STX18: variants seen among roughly 807,000 people sequenced by gnomAD.
The protein encoded by STX18 is syntaxin-18.
In STX18, 40 loss-of-function variants were observed where a neutral mutation model predicts 50.1. The ratio of observed to expected loss-of-function variants is 0.80; its 90% CI spans 0.62 to 1.04. STX18 has a LOEUF of 1.04. Ranked by LOEUF, STX18 falls within the 50% of genes least tolerant of loss-of-function variation. The pLI, the probability that STX18 is intolerant of heterozygous loss-of-function variation, is 0.00. For synonymous variants in STX18, 158 were observed against 151.8 expected, an observed-to-expected ratio of 1.04 and a Z score of -0.30; for missense variants, 410 against 415.8, an observed-to-expected ratio of 0.99 and a Z score of 0.12.
At chr4:4,538,452 C>T (rs1731441151) in intron 1 of STX18, among the ~76,000 whole-genome samples, 1 of 152,158 alleles carries the variant, frequency 6.6e-6, no homozygotes, top group Admixed American at 6.5e-5. Context: ...GATTTTCACT[C>T]ATTCCTCACG....
chr4:4,517,151 G>A (rs1327568727), intron 1 of STX18, among the ~76,000 whole-genome samples: 1 of 152,144 alleles, frequency 6.6e-6, no homozygotes, highest in Non-Finnish European at 1.5e-5. Context: ...AATTCCCAGG[G>A]CTGTTCTGAA....
chr4:4,452,327 A>G (rs191152026), intron 5 of STX18, among the ~76,000 whole-genome samples: 2 of 152,392 alleles, frequency 1.3e-5, no homozygotes, highest in Admixed American at 1.3e-4. Flanking sequence ...GATCTAACTC[A>G]GATAATTGAT....
At chr4:4,472,364 TG>T (rs530117779) in intron 1 of STX18, among the ~76,000 whole-genome samples, 252 of 152,288 alleles carry the variant, frequency 1.7e-3, no homozygotes, top group African/African-American at 5.8e-3. Context: ...TAAAAAGTGG[TG>T]GGAAGAACGC....
chr4:4,488,907 A>C (rs1290494454), intron 1 of STX18, among the ~76,000 whole-genome samples: 1 of 152,194 alleles, frequency 6.6e-6, no homozygotes, highest in Non-Finnish European at 1.5e-5. Flanking sequence ...AGCAAAGAGA[A>C]TAGCAAAAGC....
chr4:4,440,364 T>C (rs1348566812), intron 5 of STX18, among the ~76,000 whole-genome samples: 1 of 152,234 alleles, frequency 6.6e-6, no homozygotes, highest in Non-Finnish European at 1.5e-5. Flanking sequence ...ATTAACAACC[T>C]TTTAACAAAG....
At chr4:4,448,350 C>CT (rs71638561) in intron 5 of STX18, among the ~76,000 whole-genome samples, 41,474 of 147,884 alleles carry the variant, frequency 0.28, 6,542 homozygotes, top group African/African-American at 0.45. Context: ...TTATTTTATG[C>CT]TTTTTTTTTT....
At chr4:4,427,406 G>T (rs1479281022) in intron 7 of STX18, among the ~76,000 whole-genome samples, 1 of 152,226 alleles carries the variant, frequency 6.6e-6, no homozygotes, top group African/African-American at 2.4e-5. Flanking sequence ...TTTTGAGTTT[G>T]AAAGTATCCG....
intron 2 of STX18, among the ~76,000 whole-genome samples, chr4:4,468,276 T>G (rs1246043381): frequency 6.6e-6 from 1 of 152,186 alleles, no homozygotes; most frequent in African/African-American, 2.4e-5. Flanking sequence ...TACATTCCCT[T>G]ACACCATGCA....
chr4:4,427,934 T>C (rs2108776016), intron 7 of STX18, among the ~76,000 whole-genome samples: 1 of 152,178 alleles, frequency 6.6e-6, no homozygotes, highest in Non-Finnish European at 1.5e-5. Context: ...AGGAGAGAGG[T>C]TTGCCAACGG....
chr4:4,474,838 A>C (rs1293341145), intron 1 of STX18, among the ~76,000 whole-genome samples: 1 of 152,222 alleles, frequency 6.6e-6, no homozygotes, highest in Non-Finnish European at 1.5e-5. Context: ...ATTTTAGCTC[A>C]GGGAGTCCCA....
chr4:4,500,722 T>A (rs1436247231), intron 1 of STX18, among the ~76,000 whole-genome samples: 1 of 152,222 alleles, frequency 6.6e-6, no homozygotes, highest in African/African-American at 2.4e-5. Context: ...AATGGCTACA[T>A]AACATTTCAT....
At chr4:4,444,199 C>G (rs1235265831) in intron 5 of STX18, among the ~76,000 whole-genome samples, 1 of 152,200 alleles carries the variant, frequency 6.6e-6, no homozygotes, top group African/African-American at 2.4e-5. Context: ...ATTCTTTTTA[C>G]AAGCAGTAGT....
At chr4:4,461,625 G>A (rs1035626272) in intron 2 of STX18, among the ~76,000 whole-genome samples, 3 of 152,174 alleles carry the variant, frequency 2.0e-5, no homozygotes, top group Non-Finnish European at 4.4e-5. Context: ...CTAGCACATT[G>A]CACTGGGAGG....
intron 2 of STX18, among the ~76,000 whole-genome samples, chr4:4,465,045 T>A (rs886074585): frequency 1.3e-5 from 2 of 152,188 alleles, no homozygotes; most frequent in African/African-American, 4.8e-5. Context: ...GAGATCTTTT[T>A]AGCTTTTTGA....
intron 9 of STX18, among the ~76,000 whole-genome samples, chr4:4,422,491 C>T (rs1725017719): frequency 6.6e-6 from 1 of 151,166 alleles, no homozygotes; most frequent in Admixed American, 6.6e-5. Context: ...ATCGCTTGAA[C>T]CTGGGAGGAT....
chr4:4,481,386 A>G (rs1176081750), intron 1 of STX18, among the ~76,000 whole-genome samples: 1 of 152,236 alleles, frequency 6.6e-6, no homozygotes, highest in Non-Finnish European at 1.5e-5. Context: ...CCTCTGCAAG[A>G]AACAAGCATT....
At chr4:4,541,009 C>A (rs1363419511) in intron 1 of STX18, among the ~76,000 whole-genome samples, 2 of 152,180 alleles carry the variant, frequency 1.3e-5, no homozygotes, top group South Asian at 2.1e-4. Flanking sequence ...AACCTAGATA[C>A]CTCCTTGGTG....
intron 1 of STX18, among the ~76,000 whole-genome samples, chr4:4,520,975 A>C (rs1391074909): frequency 6.6e-6 from 1 of 152,346 alleles, no homozygotes; most frequent in Non-Finnish European, 1.5e-5. Context: ...GTCTTCCAAA[A>C]AGACTTGAAC....
chr4:4,507,626 G>C (rs2108887305), intron 1 of STX18: 1 of 769,460 alleles, frequency 1.3e-6, no homozygotes, highest in Non-Finnish European at 2.4e-6. Context: ...TTGTGGGCAA[G>C]AGAATTCACG....
Sources: allele counts gnomAD v4.1 joint callset (sites outside exome capture counted in the v4.1 genomes callset), GRCh38; gene constraint gnomAD v4.1.1; transcripts MANE v1.5; gene names NCBI Gene and HGNC (gene_info 2026-07-23, HGNC 2026-07-21).